Variants in ENTPD6 observed in about 807,000 individuals in gnomAD.
The protein encoded by ENTPD6 is ectonucleoside triphosphate diphosphohydrolase 6.
Under a neutral mutation model 61.5 loss-of-function variants are expected in ENTPD6, and 46 were observed. That is an observed-to-expected ratio of 0.75 (90% CI 0.59 to 0.96). The LOEUF is 0.96. ENTPD6 is among the 40% of genes least tolerant of loss of function. The probability of loss-of-function intolerance (pLI) is 0.00; values close to 1 mark genes in which losing one functional copy is unlikely to be tolerated. For missense variants in ENTPD6, 612 were observed against 629.0 expected, an observed-to-expected ratio of 0.97 and a Z score of 0.29; for synonymous variants, 252 against 255.5, an observed-to-expected ratio of 0.99 and a Z score of 0.13.
At chr20:25,211,001 A>G (rs1386776448) in intron 4 of ENTPD6, among the ~76,000 whole-genome samples, 2 of 152,248 alleles carry the variant, frequency 1.3e-5, no homozygotes, top group African/African-American at 4.8e-5. Context: ...AATTTAATTA[A>G]AATTGTCAAA....
At chr20:25,205,385 A>G (rs1453748668) in intron 1 of ENTPD6, among the ~76,000 whole-genome samples, 1 of 152,130 alleles carries the variant, frequency 6.6e-6, no homozygotes, top group Non-Finnish European at 1.5e-5. Context: ...TATTCTGGGA[A>G]TGCGTATCAG....
rs1276242053 is a variant in ENTPD6, at chr20:25,226,898, T to C, written c.*1301T>C. Among the ~76,000 whole-genome samples, 1 of 152,138 alleles carries C rather than the reference T, an allele frequency of 6.6e-6. No individual in the cohort carries two copies. The highest frequency in any genetic ancestry group is 2.4e-5 in the African/African-American group (1 of 41,428). On this transcript the variant is annotated 3_prime_UTR_variant, in exon 15 of 15. Transcript: ENST00000376652. ...CCTGGGGGCTGGGGCTGGTGAAGGG[T>C]CTGGCTGGTGGCCCCGGCCCTCCCA...
intron 4 of ENTPD6, 112 bp from the exon 5 acceptor site, chr20:25,213,151 A>G: frequency 8.0e-7 from 1 of 1,246,730 alleles, no homozygotes; most frequent in Admixed American, 1.7e-5. Flanking sequence ...CCTGGGCAAC[A>G]CAGTGAGACT....
chr20:25,209,118 T>A lies in ENTPD6; in HGVS notation c.377-731T>A, dbSNP rs78052598. 5.5e-3 allele frequency among the ~76,000 whole-genome samples: 461 copies of A among 84,428 alleles called. 4 individuals are homozygous for A. Among genetic ancestry groups the A allele is most frequent in the African/African-American group, 0.012 (416 of 35,070 alleles). 55.4% of individuals were successfully genotyped at this position (84,428 alleles called of 152,430 possible). A position where few individuals can be genotyped will look rare whatever the true frequency, so the allele number is the denominator to read the frequency against. ...CTTTTTTATTTATTTTTATTTAATTTTTTTTTTTTGAGATGGAGTCTCGCT... is the reference window on the plus strand; with the variant it reads ...CTTTTTTATTTATTTTTATTTAATTATTTTTTTTTGAGATGGAGTCTCGCT... On this transcript the variant is annotated intron_variant, in intron 3 of 14. Coordinates refer to ENST00000376652, the MANE Select transcript of ENTPD6 (RefSeq NM_001247.5).
At position 25,215,668 on chromosome 20, in the gene ENTPD6, T is replaced by C. The variant is rs901460834; in HGVS notation, c.674-8T>C. The C allele has an allele frequency of 6.2e-7, 1 of 1,614,200 alleles. No homozygotes were observed. The highest frequency in any genetic ancestry group is 1.3e-5 in the African/African-American group (1 of 75,070). On this transcript the variant is annotated splice_polypyrimidine_tract_variant and splice_region_variant and intron_variant, in intron 6 of 14. Coordinates refer to ENST00000376652, the MANE Select transcript of ENTPD6 (RefSeq NM_001247.5). Reference sequence around the variant, plus strand: ...GATTAAAATAATGCCTGTGACACTCTCTTGCAGGCGTTTCGGCGTGGATCA... The same window carrying C: ...GATTAAAATAATGCCTGTGACACTCCCTTGCAGGCGTTTCGGCGTGGATCA...
chr20:25,217,468 A>G (rs1287096732), intron 8 of ENTPD6, 34 bp from the exon 9 acceptor site: 1 of 1,596,802 alleles, frequency 6.3e-7, no homozygotes, highest in Non-Finnish European at 8.6e-7. Flanking sequence ...TAGAAAGACC[A>G]GCAGGAAACA....
chr20:25,210,989 G>A (rs376010000), intron 4 of ENTPD6, among the ~76,000 whole-genome samples: 23 of 152,246 alleles, frequency 1.5e-4, no homozygotes, highest in East Asian at 1.2e-3. Flanking sequence ...CAAATAAATC[G>A]AAATTTAATT....
At chr20:25,213,462 TG>T in intron 5 of ENTPD6, 56 bp downstream of exon 5, 1 of 1,524,516 alleles carries the variant, frequency 6.6e-7, no homozygotes, top group Non-Finnish European at 8.8e-7. Context: ...AACTGATGAC[TG>T]AAAACAACTG....
chr20:25,208,432 G>A (rs145295327), intron 3 of ENTPD6, among the ~76,000 whole-genome samples: 83 of 152,216 alleles, frequency 5.5e-4, no homozygotes, highest in Admixed American at 5.0e-3. Flanking sequence ...GGCAACAAGA[G>A]TGAAACTTGA....
chr20:25,206,469 G>A (rs2122704915), intron 1 of ENTPD6, 53 bp from the exon 2 acceptor site: 1 of 1,400,194 alleles, frequency 7.1e-7, no homozygotes, highest in East Asian at 2.3e-5. Context: ...TGCTACTCTA[G>A]TAGAATTTTT....
chr20:25,222,965 T>C lies in ENTPD6; in HGVS notation c.1173T>C (p.Gly391=). The C allele has an allele frequency of 1.0e-5, 16 of 1,599,326 alleles. No individual in the cohort carries two copies. Among genetic ancestry groups the C allele is most frequent in the Non-Finnish European group, 1.3e-5 (15 of 1,172,564 alleles). ...CCTACTATTACGACCTTGCAGCTGG[T>C]GTGGGCCTCATAGGTAAGGGGGCCC... is the stretch of plus-strand genomic sequence containing the variant. The part of the protein sequence containing the change: ...AFSYYYDLAA[G]VGLIDAEKGG... Residue 391 remains glycine (G), a synonymous_variant, in exon 12 of 15, where the codon GGT becomes GGC. Transcript: ENST00000376652.
chr20:25,212,624 G>T (rs187571286), intron 4 of ENTPD6, among the ~76,000 whole-genome samples: 1 of 152,316 alleles, frequency 6.6e-6, no homozygotes, highest in African/African-American at 2.4e-5. Flanking sequence ...GGAGGCTGAG[G>T]CAGGAAATGG....
intron 10 of ENTPD6, 151 bp from the exon 11 acceptor site, chr20:25,221,081 C>A: frequency 1.6e-6 from 1 of 619,978 alleles, no homozygotes; most frequent in South Asian, 2.0e-5. Flanking sequence ...GCTGCCACTT[C>A]CCAGGGAGGT....
At chr20:25,212,999 C>T (rs2092080974) in intron 4 of ENTPD6, among the ~76,000 whole-genome samples, 1 of 152,208 alleles carries the variant, frequency 6.6e-6, no homozygotes. Context: ...GCCACCGTGC[C>T]CGGCCAGAAG....
intron 12 of ENTPD6, among the ~76,000 whole-genome samples, chr20:25,223,347 C>T (rs920022936): frequency 1.2e-4 from 18 of 152,124 alleles, no homozygotes; most frequent in African/African-American, 4.1e-4. Flanking sequence ...TGGGAGGGAT[C>T]AGCTCACTGA....
intron 4 of ENTPD6, among the ~76,000 whole-genome samples, chr20:25,212,246 C>T (rs963793210): frequency 1.3e-5 from 2 of 152,238 alleles, no homozygotes; most frequent in African/African-American, 4.8e-5. Context: ...GGTTCTGGAT[C>T]CAGCACTCTG....
In ENTPD6 at chr20:25,214,707, G is replaced by A. The variant is rs1040273805; in HGVS notation, c.598-160G>A. 1.3e-5 allele frequency: 8 copies of A among 614,152 alleles called. No homozygotes were observed. The African/African-American group carries it at 1.5e-4, about 11-fold the overall frequency. The allele number at this position is 614,152 out of a possible 1,614,324, so 38.0% of individuals were successfully genotyped here. On this transcript the variant is annotated intron_variant, in intron 5 of 14. Coordinates refer to ENST00000376652, the MANE Select transcript of ENTPD6 (RefSeq NM_001247.5). ...TCTAAAGGATGAAGAAAGCCGGTCT[G>A]AGTGCAGTGGTATTTACAACTAATT...
intron 9 of ENTPD6, 134 bp downstream of exon 9, chr20:25,217,715 T>C (rs2092395274): frequency 2.7e-6 from 2 of 740,010 alleles, no homozygotes; most frequent in South Asian, 1.6e-5. Context: ...CAGACCTCTC[T>C]CTCCTCCTCC....
intron 1 of ENTPD6, among the ~76,000 whole-genome samples, chr20:25,198,145 T>C (rs563023092): frequency 5.3e-5 from 8 of 152,290 alleles, no homozygotes; most frequent in Non-Finnish European, 1.2e-4. Context: ...TCTGATCATG[T>C]AGAATATGGT....
Sources: allele counts gnomAD v4.1 joint callset (sites outside exome capture counted in the v4.1 genomes callset), GRCh38; gene constraint gnomAD v4.1.1; transcripts MANE v1.5; gene names NCBI Gene and HGNC (gene_info 2026-07-23, HGNC 2026-07-21).